Variants in TTBK2 observed in about 807,000 individuals in gnomAD.
TTBK2 encodes tau-tubulin kinase 2.
A neutral mutation model predicts 110.8 loss-of-function variants in TTBK2; 28 were observed. That is an observed-to-expected ratio of 0.25 (90% CI 0.19 to 0.35). TTBK2 has a LOEUF of 0.35. Among genes scored for constraint, TTBK2 ranks in the 10% least tolerant of loss-of-function variants. TTBK2 has a pLI of 1.00. For missense variants in TTBK2, 1,369 were observed against 1,500.3 expected (o/e 0.91, Z 1.45); for synonymous variants, 532 against 527.3 (o/e 1.01, Z -0.12).
At chr15:42,783,714 T>A in intron 10 of TTBK2, 79 bp from the exon 11 acceptor site, 1 of 1,103,556 alleles carries the variant, frequency 9.1e-7, no homozygotes, top group Non-Finnish European at 1.4e-6. Context: ...TTTCTTCATT[T>A]AAATGAACTC....
chr15:42,869,392 A>C (rs1164944210), intron 3 of TTBK2, among the ~76,000 whole-genome samples: 1 of 151,496 alleles, frequency 6.6e-6, no homozygotes, highest in African/African-American at 2.4e-5. Context: ...CCTGGCCTAA[A>C]CTATACTTAT....
At chr15:42,884,631 C>T (rs1895172260) in intron 1 of TTBK2, among the ~76,000 whole-genome samples, 1 of 152,170 alleles carries the variant, frequency 6.6e-6, no homozygotes, top group Non-Finnish European at 1.5e-5. Context: ...CGGCCCCACT[C>T]ACAAGCTCTG....
chr15:42,780,912 C>T (rs922749634), intron 11 of TTBK2, among the ~76,000 whole-genome samples: 10 of 151,978 alleles, frequency 6.6e-5, no homozygotes, highest in Non-Finnish European at 1.2e-4. Flanking sequence ...TGCAGTGAGC[C>T]GAGATCATGT....
At chr15:42,907,907 CAA>C (rs1283939502) in intron 1 of TTBK2, among the ~76,000 whole-genome samples, 2 of 121,448 alleles carry the variant, frequency 1.6e-5, no homozygotes. Flanking sequence ...CCCATCTCTA[CAA>C]AAAAAAAAAA....
At chr15:42,838,371 T>C (rs941963631) in intron 4 of TTBK2, among the ~76,000 whole-genome samples, 1 of 151,994 alleles carries the variant, frequency 6.6e-6, no homozygotes, top group African/African-American at 2.4e-5. Context: ...TGTGTGTGTG[T>C]GTGTGTGTAT....
intron 13 of TTBK2, among the ~76,000 whole-genome samples, chr15:42,754,784 A>T (rs1206626240): frequency 7.0e-6 from 1 of 143,728 alleles, no homozygotes; most frequent in Non-Finnish European, 1.5e-5. Flanking sequence ...CGAGGTGGGC[A>T]GACCACCTGA....
chr15:42,854,095 C>T (rs1449300219), intron 3 of TTBK2, among the ~76,000 whole-genome samples: 1 of 152,014 alleles, frequency 6.6e-6, no homozygotes, highest in African/African-American at 2.4e-5. Flanking sequence ...ATGATTACAG[C>T]TGGCTAATTT....
intron 13 of TTBK2, among the ~76,000 whole-genome samples, chr15:42,763,177 T>C (rs1435207446): frequency 6.4e-4 from 13 of 20,272 alleles, no homozygotes; most frequent in South Asian, 3.0e-3. Context: ...TATATATATA[T>C]ATATATATAT....
At chr15:42,785,035 A>T (rs1421731447) in intron 10 of TTBK2, among the ~76,000 whole-genome samples, 1 of 152,112 alleles carries the variant, frequency 6.6e-6, no homozygotes, top group Non-Finnish European at 1.5e-5. Context: ...GCAGTGCCAT[A>T]ATGAAATAAA....
At chr15:42,807,278 T>C (rs2140914619) in intron 9 of TTBK2, among the ~76,000 whole-genome samples, 1 of 152,296 alleles carries the variant, frequency 6.6e-6, no homozygotes, top group Non-Finnish European at 1.5e-5. Context: ...ATACACATTT[T>C]AGTTTCAGGC....
At chr15:42,789,178 A>C (rs1480698003) in intron 10 of TTBK2, among the ~76,000 whole-genome samples, 2 of 152,118 alleles carry the variant, frequency 1.3e-5, no homozygotes, top group African/African-American at 4.8e-5. Flanking sequence ...GCTATTTTAT[A>C]TCCTTTGACC....
chr15:42,847,897 G>A (rs1269986621), intron 3 of TTBK2, among the ~76,000 whole-genome samples: 5 of 152,130 alleles, frequency 3.3e-5, no homozygotes, highest in African/African-American at 9.7e-5. Flanking sequence ...TTGTCACCTA[G>A]GTTGGAGTAT....
chr15:42,880,588 C>T (rs917443562), intron 1 of TTBK2, among the ~76,000 whole-genome samples: 5 of 152,096 alleles, frequency 3.3e-5, no homozygotes, highest in African/African-American at 1.2e-4. Context: ...TAGACAGGGT[C>T]TCACTATGTT....
At chr15:42,807,588 TTTTTTG>T (rs1891524986) in intron 9 of TTBK2, among the ~76,000 whole-genome samples, 1 of 96,606 alleles carries the variant, frequency 1.0e-5, no homozygotes, top group South Asian at 3.3e-4. Context: ...TTTTTTGTTG[TTTTTTG>T]TTGTTGTTGT....
At chr15:42,907,372 T>G (rs1337241991) in intron 1 of TTBK2, among the ~76,000 whole-genome samples, 7 of 152,224 alleles carry the variant, frequency 4.6e-5, no homozygotes, top group Non-Finnish European at 1.0e-4. Context: ...AAGAGATATC[T>G]GCACTCCCAT....
At chr15:42,785,772 G>A (rs546931275) in intron 10 of TTBK2, among the ~76,000 whole-genome samples, 9 of 150,202 alleles carry the variant, frequency 6.0e-5, no homozygotes, top group Non-Finnish European at 1.0e-4. Flanking sequence ...ATTGCTGACT[G>A]AACACAATAC....
At chr15:42,872,163 A>T (rs1387225779) in intron 3 of TTBK2, among the ~76,000 whole-genome samples, 2 of 152,214 alleles carry the variant, frequency 1.3e-5, no homozygotes, top group African/African-American at 2.4e-5. Flanking sequence ...ATATGAATCA[A>T]CATATAATCA....
intron 9 of TTBK2, among the ~76,000 whole-genome samples, chr15:42,804,126 T>C (rs1406357325): frequency 8.6e-5 from 13 of 151,242 alleles, no homozygotes; most frequent in Admixed American, 8.6e-4. Context: ...AATTTATAAA[T>C]TATTATCATA....
intron 9 of TTBK2, among the ~76,000 whole-genome samples, chr15:42,796,544 GA>G (rs1054287456): frequency 2.6e-4 from 39 of 152,274 alleles, no homozygotes; most frequent in African/African-American, 9.4e-4. Context: ...CTCAGCAAAG[GA>G]AACAAAAAAG....
Sources: allele counts gnomAD v4.1 joint callset (sites outside exome capture counted in the v4.1 genomes callset), GRCh38; gene constraint gnomAD v4.1.1; transcripts MANE v1.5; gene names NCBI Gene and HGNC (gene_info 2026-07-23, HGNC 2026-07-21).